The following MYRFL variants were observed in gnomAD, a reference collection of about 807,000 sequenced individuals.
The protein encoded by MYRFL is myelin regulatory factor like, also known as myelin regulatory factor-like protein.
MYRFL carries 88 observed loss-of-function variants against 109.4 expected under a neutral mutation model. The observed-to-expected ratio is 0.80, with a 90% confidence interval of 0.68 to 0.96. The LOEUF is 0.96. MYRFL is among the 40% of genes least tolerant of loss of function. MYRFL has a pLI of 0.00. For synonymous variants in MYRFL, 324 were observed against 320.9 expected (o/e 1.01, Z -0.10); for missense variants, 957 against 954.9 (o/e 1.00, Z -0.03).
intron 5 of MYRFL, among the ~76,000 whole-genome samples, chr12:69,886,504 G>A (rs371196505): frequency 2.8e-4 from 42 of 152,246 alleles, no homozygotes; most frequent in African/African-American, 1.0e-3. Context: ...CTATCCTCCC[G>A]GCTCTGGGAA....
At chr12:69,954,506 T>C (rs1340057177) in intron 21 of MYRFL, among the ~76,000 whole-genome samples, 1 of 152,240 alleles carries the variant, frequency 6.6e-6, no homozygotes, top group Non-Finnish European at 1.5e-5. Flanking sequence ...ATTGTTTATA[T>C]TCAAGATGTA....
chr12:69,828,010 A>T (rs1410409714), intron 1 of MYRFL, among the ~76,000 whole-genome samples: 1 of 152,146 alleles, frequency 6.6e-6, no homozygotes, highest in African/African-American at 2.4e-5. Flanking sequence ...TAATTTGAAT[A>T]TATAATGTTA....
At chr12:69,908,906 C>CCCACCCT (rs1455534157) in intron 11 of MYRFL, among the ~76,000 whole-genome samples, 1 of 152,032 alleles carries the variant, frequency 6.6e-6, no homozygotes, top group African/African-American at 2.4e-5. Flanking sequence ...TCTCCCTCCT[C>CCCACCCT]CCACCCTCCA....
intron 7 of MYRFL, among the ~76,000 whole-genome samples, chr12:69,891,676 TC>T (rs1446762219): frequency 0.014 from 1,627 of 113,706 alleles, 126 homozygotes; most frequent in African/African-American, 0.04. Context: ...TTTCTTTCTT[TC>T]TTTCTTTCGT....
At chr12:69,866,215 C>T (rs1004653704) in intron 2 of MYRFL, among the ~76,000 whole-genome samples, 8 of 151,838 alleles carry the variant, frequency 5.3e-5, no homozygotes, top group East Asian at 1.9e-4. Flanking sequence ...AGAGTAGATC[C>T]GAGCCATAGT....
chr12:69,914,506 T>C (rs11177965), intron 13 of MYRFL, among the ~76,000 whole-genome samples: 23,889 of 152,186 alleles, frequency 0.16, 2,246 homozygotes, highest in Non-Finnish European at 0.22. Flanking sequence ...GAAGTGTTCC[T>C]GAGTGGCAAT....
intron 2 of MYRFL, among the ~76,000 whole-genome samples, chr12:69,874,380 G>A (rs953201663): frequency 1.3e-5 from 2 of 152,130 alleles, no homozygotes; most frequent in African/African-American, 2.4e-5. Flanking sequence ...GTCTTCCCAT[G>A]TTGTCCAGGC....
At chr12:69,855,561 C>T (rs1359779038) in intron 2 of MYRFL, among the ~76,000 whole-genome samples, 191 bp downstream of exon 2, 1 of 152,188 alleles carries the variant, frequency 6.6e-6, no homozygotes, top group Non-Finnish European at 1.5e-5. Flanking sequence ...AGTCATTCCT[C>T]ACCTCCACCC....
At chr12:69,871,502 G>T (rs1885354373) in intron 2 of MYRFL, among the ~76,000 whole-genome samples, 1 of 152,112 alleles carries the variant, frequency 6.6e-6, no homozygotes, top group African/African-American at 2.4e-5. Flanking sequence ...AAAGTGCTGG[G>T]ATTACAGGCG....
At chr12:69,938,980 C>G (rs984657784) in intron 19 of MYRFL, among the ~76,000 whole-genome samples, 14 of 152,340 alleles carry the variant, frequency 9.2e-5, no homozygotes, top group African/African-American at 3.1e-4. Flanking sequence ...CTGCGCATTT[C>G]CGACGGGCTT....
At chr12:69,865,652 A>T (rs982748321) in intron 2 of MYRFL, among the ~76,000 whole-genome samples, 4 of 152,140 alleles carry the variant, frequency 2.6e-5, no homozygotes, top group African/African-American at 4.8e-5. Flanking sequence ...CCAAGGCACC[A>T]TACTTTGGGG....
At chr12:69,938,710 C>T (rs904829064) in intron 19 of MYRFL, among the ~76,000 whole-genome samples, 2 of 152,032 alleles carry the variant, frequency 1.3e-5, no homozygotes, top group Non-Finnish European at 2.9e-5. Flanking sequence ...GGAATAGGAA[C>T]AGCTCCGGTC....
rs540898952 is a variant in MYRFL, at chr12:69,947,523, CATCTGAATGTGATGAATTAGATTTTA to C, written c.2225-4586_2225-4561del. On this transcript the variant is annotated intron_variant, in intron 19 of 24. Transcript: ENST00000552032. ...ATATTGAGCTTCTACTCTAAGGAAC[CATCTGAATGTGATGAATTAGATTTTA>C]ATCCATGGAACCAGTAAAGATTTAA... Among the ~76,000 whole-genome samples, 14 of 152,216 alleles carry C rather than the reference CATCTGAATGTGATGAATTAGATTTTA, an allele frequency of 9.2e-5. No individual in the cohort carries two copies. In the East Asian group the frequency reaches 2.5e-3, roughly 27 times the overall value.
intron 1 of MYRFL, among the ~76,000 whole-genome samples, chr12:69,849,934 T>C (rs946715903): frequency 6.6e-6 from 1 of 152,192 alleles, no homozygotes; most frequent in Non-Finnish European, 1.5e-5. Flanking sequence ...GGATGGGTGA[T>C]GTGGTTTGGC....
At chr12:69,873,281 G>GT (rs1028582162) in intron 2 of MYRFL, among the ~76,000 whole-genome samples, 1 of 151,778 alleles carries the variant, frequency 6.6e-6, no homozygotes, top group Non-Finnish European at 1.5e-5. Flanking sequence ...ATCTCATAAC[G>GT]TTTTTTACAA....
chr12:69,925,424 G>T (rs1475294193), intron 13 of MYRFL, among the ~76,000 whole-genome samples: 1 of 152,160 alleles, frequency 6.6e-6, no homozygotes, highest in Non-Finnish European at 1.5e-5. Context: ...CTTCAGTTTG[G>T]ATGATAAGAA....
intron 13 of MYRFL, among the ~76,000 whole-genome samples, chr12:69,917,978 C>G (rs1197578604): frequency 1.3e-5 from 2 of 151,024 alleles, no homozygotes; most frequent in African/African-American, 4.9e-5. Flanking sequence ...GAGGAAGCTG[C>G]AGCCATGGAT....
At chr12:69,870,543 A>G (rs1885296677) in intron 2 of MYRFL, among the ~76,000 whole-genome samples, 1 of 152,164 alleles carries the variant, frequency 6.6e-6, no homozygotes, top group Non-Finnish European at 1.5e-5. Flanking sequence ...TTGTGAGTAA[A>G]AGGGGCTAAG....
intron 23 of MYRFL, 130 bp from the exon 24 acceptor site, chr12:69,958,119 A>G: frequency 8.6e-7 from 1 of 1,164,788 alleles, no homozygotes; most frequent in East Asian, 2.6e-5. Flanking sequence ...TGTTCTAGCA[A>G]CACCCATCAA....
Sources: gnomAD v4.1 joint callset for allele counts (sites outside exome capture counted in the v4.1 genomes callset) on GRCh38, gnomAD v4.1.1 for gene constraint, MANE v1.5 for transcripts, NCBI Gene and HGNC (gene_info 2026-07-23, HGNC 2026-07-21) for gene names.